The following CHRM3 variants were observed in gnomAD, a reference collection of about 807,000 sequenced individuals.
CHRM3 encodes muscarinic acetylcholine receptor M3.
A neutral mutation model predicts 41.8 loss-of-function variants in CHRM3; 11 were observed. That is an observed-to-expected ratio of 0.26 (90% CI 0.17 to 0.44). The LOEUF (loss-of-function observed/expected upper bound fraction) is 0.44, where lower values mean the gene tolerates loss of function less well. CHRM3 is among the 20% of genes least tolerant of loss of function. The pLI is 1.00. For missense variants in CHRM3, 571 were observed against 745.4 expected (o/e 0.77, Z 2.72); for synonymous variants, 297 against 301.4 (o/e 0.99, Z 0.15).
chr1:239,527,642 C>A (rs1021813241), intron 2 of CHRM3, among the ~76,000 whole-genome samples: 2 of 152,200 alleles, frequency 1.3e-5, no homozygotes, highest in African/African-American at 2.4e-5. Flanking sequence ...CCACATCAGT[C>A]AATTGTGCTT....
At chr1:239,872,997 AGTGT>A (rs1676723678) in intron 6 of CHRM3, among the ~76,000 whole-genome samples, 1 of 151,986 alleles carries the variant, frequency 6.6e-6, no homozygotes, top group African/African-American at 2.4e-5. Context: ...TTGTCTCTCG[AGTGT>A]ACTTTTGAAA....
intron 5 of CHRM3, among the ~76,000 whole-genome samples, chr1:239,728,448 A>G (rs1301747922): frequency 2.0e-5 from 3 of 152,004 alleles, no homozygotes; most frequent in African/African-American, 2.4e-5. Context: ...CCATCCATCA[A>G]TATTCCTACT....
chr1:239,759,156 G>GTTTTTTTTTTTTTTTTT (rs1558518322), intron 5 of CHRM3, among the ~76,000 whole-genome samples: 1 of 133,032 alleles, frequency 7.5e-6, no homozygotes, highest in African/African-American at 3.5e-5. Flanking sequence ...GAGCTTTATG[G>GTTTTTTTTTTTTTTTTT]GTTTTTTTTT....
At chr1:239,901,657 T>A (rs1170913496) in intron 6 of CHRM3, among the ~76,000 whole-genome samples, 12 of 152,220 alleles carry the variant, frequency 7.9e-5, no homozygotes, top group Non-Finnish European at 4.4e-5. Context: ...AAAGTATTTT[T>A]AGATGGTTCT....
chr1:239,464,914 A>G (rs1665613546), intron 1 of CHRM3, among the ~76,000 whole-genome samples: 1 of 152,156 alleles, frequency 6.6e-6, no homozygotes, highest in African/African-American at 2.4e-5. Flanking sequence ...GAAGAGGTGT[A>G]ATTAATATCT....
intron 3 of CHRM3, among the ~76,000 whole-genome samples, chr1:239,610,061 C>T (rs778089488): frequency 3.0e-4 from 46 of 151,646 alleles, no homozygotes; most frequent in Admixed American, 1.1e-3. Flanking sequence ...GGTGTGGTGG[C>T]GGGTGCCTGT....
At chr1:239,394,340 CT>C (rs1464411625) in intron 1 of CHRM3, among the ~76,000 whole-genome samples, 1 of 152,122 alleles carries the variant, frequency 6.6e-6, no homozygotes, top group African/African-American at 2.4e-5. Flanking sequence ...CCAATCTCTG[CT>C]TCTGTGGTCA....
At chr1:239,419,353 C>T (rs147574437) in intron 1 of CHRM3, among the ~76,000 whole-genome samples, 39 of 145,638 alleles carry the variant, frequency 2.7e-4, no homozygotes, top group Non-Finnish European at 3.8e-4. Flanking sequence ...ACTAACAGGC[C>T]GACCCAGCCT....
intron 3 of CHRM3, among the ~76,000 whole-genome samples, chr1:239,560,031 C>T (rs535919680): frequency 6.6e-6 from 1 of 152,184 alleles, no homozygotes; most frequent in East Asian, 1.9e-4. Context: ...ATAAAATATA[C>T]AAATGATGAA....
intron 4 of CHRM3, among the ~76,000 whole-genome samples, chr1:239,634,525 T>C (rs1444431481): frequency 6.6e-6 from 1 of 151,528 alleles, no homozygotes; most frequent in African/African-American, 2.4e-5. Flanking sequence ...AAAGGAAATA[T>C]TAATTCTGAG....
chr1:239,843,579 A>G (rs1424033503), intron 6 of CHRM3, among the ~76,000 whole-genome samples: 2 of 150,664 alleles, frequency 1.3e-5, no homozygotes, highest in South Asian at 2.1e-4. Context: ...CAAAATATTT[A>G]GTTAACAACA....
chr1:239,852,235 T>G (rs1162519883), intron 6 of CHRM3, among the ~76,000 whole-genome samples: 1 of 152,184 alleles, frequency 6.6e-6, no homozygotes, highest in Non-Finnish European at 1.5e-5. Context: ...ATGAAAAATC[T>G]ATGTTTGTTT....
At chr1:239,829,783 C>G (rs514050) in intron 6 of CHRM3, among the ~76,000 whole-genome samples, 1 of 151,896 alleles carries the variant, frequency 6.6e-6, no homozygotes, top group Non-Finnish European at 1.5e-5. Context: ...CTCAATTTCC[C>G]TATCTCTAAA....
At chr1:239,687,145 G>T (rs1659224850) in intron 5 of CHRM3, among the ~76,000 whole-genome samples, 1 of 151,522 alleles carries the variant, frequency 6.6e-6, no homozygotes, top group Non-Finnish European at 1.5e-5. Flanking sequence ...ATAATAATAT[G>T]CTTGGAAAAA....
intron 3 of CHRM3, chr1:239,546,169 A>G (rs1659278661): frequency 1.3e-5 from 2 of 152,182 alleles, no homozygotes; most frequent in Admixed American, 1.3e-4. Context: ...GCTTCCACTC[A>G]CAGATGCACC....
intron 5 of CHRM3, among the ~76,000 whole-genome samples, chr1:239,779,378 G>A (rs771360318): frequency 2.0e-4 from 30 of 152,294 alleles, no homozygotes; most frequent in Non-Finnish European, 4.0e-4. Context: ...TATTCTATGG[G>A]TTCAGACAAG....
At chr1:239,485,183 T>A (rs960363703) in intron 1 of CHRM3, among the ~76,000 whole-genome samples, 3 of 152,134 alleles carry the variant, frequency 2.0e-5, no homozygotes, top group Non-Finnish European at 4.4e-5. Flanking sequence ...TGGGAAGGCA[T>A]GAGGGGACGG....
intron 1 of CHRM3, among the ~76,000 whole-genome samples, chr1:239,420,304 G>A (rs951067180): frequency 6.6e-6 from 1 of 152,142 alleles, no homozygotes; most frequent in African/African-American, 2.4e-5. Flanking sequence ...TCTCTCAGCC[G>A]CATGGTAGTG....
rs184087217 is a variant in CHRM3, at chr1:239,623,470, C to T, written c.-312-8754C>T. 3.5e-3 allele frequency among the ~76,000 whole-genome samples: 505 copies of T among 142,430 alleles called. 2 individuals are homozygous for T. The highest frequency in any genetic ancestry group is 0.013 in the African/African-American group (492 of 38,644). The allele number at this position is 142,430 out of a possible 152,430, so 93.4% of individuals were successfully genotyped here. A position where few individuals can be genotyped will look rare whatever the true frequency, so the allele number is the denominator to read the frequency against. ...TCATTTTTTATGGCTGCATGGTATT[C>T]CATGGTGTATAAGTTTTTTTTTTTT... On this transcript the variant is annotated intron_variant, in intron 3 of 6. Coordinates refer to ENST00000676153, the MANE Select transcript of CHRM3 (RefSeq NM_001375978.1).
Sources: gnomAD v4.1 joint callset for allele counts (sites outside exome capture counted in the v4.1 genomes callset) on GRCh38, gnomAD v4.1.1 for gene constraint, MANE v1.5 for transcripts, NCBI Gene and HGNC (gene_info 2026-07-23, HGNC 2026-07-21) for gene names.